HLX: variants seen among roughly 807,000 people sequenced by gnomAD.
The protein encoded by HLX is H2.0-like homeobox protein.
HLX carries 6 observed loss-of-function variants against 27.7 expected under a neutral mutation model. The observed-to-expected ratio is 0.22, with a 90% CI of 0.12 to 0.43. The LOEUF (loss-of-function observed/expected upper bound fraction) is 0.43, where lower values mean the gene tolerates loss of function less well. Among genes scored for constraint, HLX ranks in the 20% least tolerant of loss-of-function variants. The pLI, the probability that HLX is intolerant of heterozygous loss-of-function variation, is 1.00. For synonymous variants in HLX, 328 were observed against 293.8 expected (o/e 1.12, Z -1.19); for missense variants, 666 against 655.2 (o/e 1.02, Z -0.18).
At position 220,881,213 on chromosome 1, in the gene HLX, C is replaced by T; in HGVS notation, c.612C>T (p.Thr204=). Residue 204 remains threonine, a synonymous_variant, in exon 2 of 4, where the codon ACC becomes ACT. Transcript: ENST00000366903. The stretch of plus-strand genomic sequence containing the variant: ...CCCCAGATCTCACTTCCCTGCTAAC[C>T]GGTGGGCGGCCCGCCGGGGTGCACC... The part of the protein sequence containing the change: ...NTLRDLTSLL[T]GGRPAGVHLS... 2 of 1,614,084 alleles carry T rather than the reference C, an allele frequency of 1.2e-6. No individual in the cohort carries two copies. Among genetic ancestry groups the T allele is most frequent in the East Asian group, 2.2e-5 (1 of 44,882 alleles).
Position 220,879,642 on chromosome 1 carries a change from C to A in HLX, c.-216C>A, listed in dbSNP as rs1361277192. ...GCGCCGCGCCGCCTTTAAAGCGAGG[C>A]CAGGGAGCGAGGCGGTGACCGGCCG... On this transcript the variant is annotated 5_prime_UTR_variant, in exon 1 of 4. Transcript: ENST00000366903. 8.4e-6 allele frequency: 6 copies of A among 716,780 alleles called. No individual in the cohort carries two copies. Among genetic ancestry groups the A allele is most frequent in the African/African-American group, 3.8e-5 (2 of 52,504 alleles). 44.4% of individuals were successfully genotyped at this position (716,780 alleles called of 1,614,324 possible). A position where few individuals can be genotyped will look rare whatever the true frequency, so the allele number is the denominator to read the frequency against.
chr1:220,880,037 C>T lies in HLX; in HGVS notation c.180C>T (p.Ala60=), dbSNP rs1674388370. 6.3e-7 allele frequency: 1 copy of T among 1,592,652 alleles called. No homozygotes were observed. The highest frequency in any genetic ancestry group is 1.1e-5 in the South Asian group (1 of 90,206). The change falls in exon 1 of 4, where the codon GCC becomes GCT. Residue 60 remains alanine, a synonymous_variant. Transcript: ENST00000366903. The part of the protein sequence containing the change: ...LHAGVGDLGA[A]PEGLAGASAA... ...CCGGCGTGGGGGATCTGGGGGCGGC[C>T]CCGGAGGGCCTGGCAGGGGCCTCGG... is the stretch of plus-strand genomic sequence containing the variant.
At chr1:220,881,573 G>A (rs1427600145) in intron 2 of HLX, 200 bp downstream of exon 2, 3 of 629,328 alleles carry the variant, frequency 4.8e-6, no homozygotes, top group East Asian at 2.8e-5. Context: ...AAGGGGTAGA[G>A]GCGCCTGGAG....
Position 220,884,067 on chromosome 1 carries a change from T to C in HLX, c.958-128T>C, listed in dbSNP as rs539161263. 2 of 931,032 alleles carry C rather than the reference T, an allele frequency of 2.1e-6. No individual in the cohort carries two copies. The highest frequency in any genetic ancestry group is 3.4e-6 in the Non-Finnish European group (2 of 586,802). The allele number at this position is 931,032 out of a possible 1,614,324, so 57.7% of individuals were successfully genotyped here. ...GCCTACCACAGTGTCTGGTCCTTGGTAGAGTCGCCAAGTAAGCGTTGCTTT... is the reference window on the plus strand; with the variant it reads ...GCCTACCACAGTGTCTGGTCCTTGGCAGAGTCGCCAAGTAAGCGTTGCTTT... On this transcript the variant is annotated intron_variant, in intron 3 of 3. Transcript: ENST00000366903. This position sits in a 1 kb window ranked among gnomAD's most constrained non-coding sequence, Gnocchi z 4.9.
rs1409956504 is a variant in HLX, at chr1:220,882,332, G to A, written c.941G>A (p.Gly314Asp). The stretch of plus-strand genomic sequence containing the variant: ...CGAAAGCAGCTGGCGGCGATGCTGG[G>A]CCTCACGGACGCACAGGTAAGGCAG... ...PDRKQLAAML[G>D]LTDAQVKVWF... Residue 314 changes from glycine (G) to aspartate (D), a missense_variant, in exon 3 of 4, where the codon GGC (glycine) becomes GAC (aspartate). By Grantham distance (94) the Gly-to-Asp change is moderately conservative (BLOSUM62 -1). Transcript: ENST00000366903. 1 of 1,614,212 alleles carries A rather than the reference G, an allele frequency of 6.2e-7. No homozygotes were observed. The highest frequency in any genetic ancestry group is 8.5e-7 in the Non-Finnish European group (1 of 1,180,036).
At position 220,884,164 on chromosome 1, in the gene HLX, T is replaced by C. The variant is rs1202237298; in HGVS notation, c.958-31T>C. ...CAAACCTGGGTCTCATCTCGGTGTC[T>C]CTTCTTGTCTCCCGGTGTGGCGCGG... On this transcript the variant is annotated intron_variant, in intron 3 of 3. Transcript: ENST00000366903. The surrounding 1 kb of genome is among the most constrained non-coding windows in gnomAD (Gnocchi z 4.9). 6.2e-7 allele frequency: 1 copy of C among 1,612,348 alleles called. No individual in the cohort carries two copies. The highest frequency in any genetic ancestry group is 8.5e-7 in the Non-Finnish European group (1 of 1,178,970).
chr1:220,882,061 A>C, intron 2 of HLX, 103 bp from the exon 3 acceptor site: 1 of 1,049,936 alleles, frequency 9.5e-7, no homozygotes, highest in South Asian at 1.3e-5. Flanking sequence ...AGTTAACACG[A>C]AACAGTTTCA....
At chr1:220,883,320 C>T (rs960364862) in intron 3 of HLX, 10 of 130,852 alleles carry the variant, frequency 7.6e-5, no homozygotes, top group African/African-American at 3.3e-4. Flanking sequence ...CACACACACA[C>T]ACACACACAC....
chr1:220,883,332 C>CACACACACAG (rs1353851101), intron 3 of HLX: 6 of 149,240 alleles, frequency 4.0e-5, no homozygotes, highest in Non-Finnish European at 7.4e-5. Context: ...CACACACACA[C>CACACACACAG]GAGGAGCCCA....
intron 1 of HLX, 147 bp from the exon 2 acceptor site, chr1:220,881,047 A>G: frequency 1.4e-6 from 1 of 732,670 alleles, no homozygotes; most frequent in South Asian, 1.7e-5. Context: ...AACTGTTGGG[A>G]GAGAGAGGTT....
In HLX at chr1:220,880,112, C is replaced by T; in HGVS notation, c.255C>T (p.Phe85=). The T allele has an allele frequency of 1.2e-6, 2 of 1,601,760 alleles. No homozygotes were observed. The highest frequency in any genetic ancestry group is 1.7e-6 in the Non-Finnish European group (2 of 1,174,770). ...GCTCGGTTCACCCGCACGCCTCTTT[C>T]CAAGCGGCGGCCAGATCCCCGCTTC... is the stretch of plus-strand genomic sequence containing the variant. The part of the protein sequence containing the change: ...HLGSVHPHAS[F]QAAARSPLRP... Residue 85 remains phenylalanine (F), a synonymous_variant, in exon 1 of 4, where the codon TTC becomes TTT. Transcript: ENST00000366903.
Position 220,884,711 on chromosome 1 carries a change from C to T in HLX, c.*7C>T, listed in dbSNP as rs1243465857. On this transcript the variant is annotated 3_prime_UTR_variant, in exon 4 of 4. Coordinates refer to ENST00000366903, the MANE Select transcript of HLX (RefSeq NM_021958.4). This position sits in a 1 kb window ranked among gnomAD's most constrained non-coding sequence, Gnocchi z 4.9. ...CGCGCTTGGCTGCTTATAGACTGTA[C>T]TAGGGCGGAGGGGATCCGGGCCTTG... 4.4e-6 allele frequency: 7 copies of T among 1,607,428 alleles called. No individual in the cohort carries two copies. The highest frequency in any genetic ancestry group is 5.9e-6 in the Non-Finnish European group (7 of 1,179,388).
Position 220,879,738 on chromosome 1 carries a change from A to G in HLX, c.-120A>G. 1 of 1,399,512 alleles carries G rather than the reference A, an allele frequency of 7.1e-7. No individual in the cohort carries two copies. Among genetic ancestry groups the G allele is most frequent in the African/African-American group, 1.5e-5 (1 of 66,154 alleles). 86.7% of individuals were successfully genotyped at this position (1,399,512 alleles called of 1,614,324 possible). A position where few individuals can be genotyped will look rare whatever the true frequency, so the allele number is the denominator to read the frequency against. On this transcript the variant is annotated 5_prime_UTR_variant, in exon 1 of 4. Coordinates refer to ENST00000366903, the MANE Select transcript of HLX (RefSeq NM_021958.4). Reference sequence around the variant, plus strand: ...CCTCTCTTCCTCAGTGCGGGCGGAGAAGCGAAAGCGGATCGTCCTCGGCTG... The same window carrying G: ...CCTCTCTTCCTCAGTGCGGGCGGAGGAGCGAAAGCGGATCGTCCTCGGCTG...
chr1:220,882,011 T>C (rs1310165092), intron 2 of HLX, 153 bp from the exon 3 acceptor site: 4 of 739,322 alleles, frequency 5.4e-6, no homozygotes, highest in African/African-American at 3.5e-5. Context: ...GGCCATTCGG[T>C]GTATGTGCGA....
chr1:220,882,757 A>C, intron 3 of HLX: 1 of 183,300 alleles, frequency 5.5e-6, no homozygotes, highest in Non-Finnish European at 1.2e-5. Flanking sequence ...TTTCCCTCTC[A>C]CCCTCCCTCC....
At position 220,880,231 on chromosome 1, in the gene HLX, A is replaced by C; in HGVS notation, c.374A>C (p.Gln125Pro). Reference protein sequence around the residue: ...LSAAYHHHHPQQQQQQQQPQQ... With the variant: ...LSAAYHHHHPPQQQQQQQPQQ... ...GCCGCCTACCACCACCATCACCCGC[A>C]ACAACAACAGCAGCAGCAACAGCCG... Residue 125 changes from glutamine (Q) to proline (P), a missense_variant, in exon 1 of 4, where the codon CAA becomes CCA. Physicochemically the swap from Gln to Pro is moderately conservative, Grantham distance 76. Transcript: ENST00000366903. 6.2e-7 allele frequency: 1 copy of C among 1,612,096 alleles called. No homozygotes were observed. Among genetic ancestry groups the C allele is most frequent in the Non-Finnish European group, 8.5e-7 (1 of 1,178,550 alleles).
chr1:220,881,581 G>C, intron 2 of HLX: 1 of 620,512 alleles, frequency 1.6e-6, no homozygotes, highest in Non-Finnish European at 2.9e-6. Context: ...GAGGCGCCTG[G>C]AGATCCCAGA....
chr1:220,882,652 C>T, intron 3 of HLX: 1 of 406,486 alleles, frequency 2.5e-6, no homozygotes, highest in South Asian at 2.7e-5. Flanking sequence ...CTGGAAATAA[C>T]ACTGATACAC....
Position 220,881,393 on chromosome 1 carries a change from T to C in HLX, c.772+20T>C, listed in dbSNP as rs74140371. 2.2e-5 allele frequency: 35 copies of C among 1,602,894 alleles called. No individual in the cohort carries two copies. Among genetic ancestry groups the C allele is most frequent in the Non-Finnish European group, 3.0e-5 (35 of 1,169,960 alleles). On this transcript the variant is annotated intron_variant, in intron 2 of 3. Transcript: ENST00000366903. ...TTCCAGGTACGGAAAAACTCCAGAGTACTGCCTAACGGGCGAGCCGACTAA... is the reference window on the plus strand; with the variant it reads ...TTCCAGGTACGGAAAAACTCCAGAGCACTGCCTAACGGGCGAGCCGACTAA...
Sources: allele counts gnomAD v4.1 joint callset, GRCh38; gene constraint gnomAD v4.1.1; non-coding constraint Gnocchi (gnomAD v3.1); transcripts MANE v1.5; gene names NCBI Gene and HGNC (gene_info 2026-07-23, HGNC 2026-07-21).